PALM2AKAP2: variants seen among roughly 807,000 people sequenced by gnomAD.
The protein encoded by PALM2AKAP2 is PALM2 and AKAP2 fusion.
Under a neutral mutation model 71.5 loss-of-function variants are expected in PALM2AKAP2, and 37 were observed. The observed-to-expected ratio is 0.52, with a 90% CI of 0.40 to 0.68. The LOEUF (loss-of-function observed/expected upper bound fraction) is 0.68. Ranked by LOEUF, PALM2AKAP2 falls within the 30% of genes least tolerant of loss-of-function variation. The probability of loss-of-function intolerance (pLI) is 0.00; values close to 1 mark genes in which losing one functional copy is unlikely to be tolerated. For synonymous variants in PALM2AKAP2, 468 were observed against 478.8 expected, an observed-to-expected ratio of 0.98 and a Z score of 0.29; for missense variants, 1,224 against 1,191.8, an observed-to-expected ratio of 1.03 and a Z score of -0.40.
chr9:110,052,784 T>G (rs1833737630), intron 1 of PALM2AKAP2, among the ~76,000 whole-genome samples: 1 of 152,192 alleles, frequency 6.6e-6, no homozygotes, highest in African/African-American at 2.4e-5. Context: ...CCATTGACAG[T>G]TCGGGATTTT....
chr9:109,838,038 T>A (rs1319544522), intron 1 of PALM2AKAP2, among the ~76,000 whole-genome samples: 3 of 145,610 alleles, frequency 2.1e-5, no homozygotes, highest in African/African-American at 7.8e-5. Context: ...CTAATAGACA[T>A]CTACAGAACT....
At chr9:110,014,441 G>A (rs1000784076) in intron 6 of PALM2AKAP2, among the ~76,000 whole-genome samples, 1 of 151,986 alleles carries the variant, frequency 6.6e-6, no homozygotes, top group Non-Finnish European at 1.5e-5. Flanking sequence ...CCTTTAAGGA[G>A]ATGATTATTC....
intron 3 of PALM2AKAP2, among the ~76,000 whole-genome samples, chr9:109,895,955 G>C (rs35725221): frequency 0.028 from 4,228 of 152,212 alleles, 101 homozygotes; most frequent in Non-Finnish European, 0.046. Flanking sequence ...AGGTTGAGTT[G>C]GGTGGATCGC....
intron 1 of PALM2AKAP2, among the ~76,000 whole-genome samples, chr9:109,859,115 G>A (rs1372843004): frequency 1.3e-5 from 2 of 152,162 alleles, no homozygotes; most frequent in Non-Finnish European, 2.9e-5. Context: ...GTTTCTTAAG[G>A]TTTTGGGTGT....
chr9:109,758,099 C>T (rs967250816), intron 1 of PALM2AKAP2, among the ~76,000 whole-genome samples: 1 of 152,014 alleles, frequency 6.6e-6, no homozygotes, highest in African/African-American at 2.4e-5. Flanking sequence ...AATCACTCCC[C>T]TTTTTAACCT....
At chr9:110,023,594 G>A (rs961345641) in intron 7 of PALM2AKAP2, among the ~76,000 whole-genome samples, 2 of 151,916 alleles carry the variant, frequency 1.3e-5, no homozygotes, top group Admixed American at 6.6e-5. Context: ...GATTACAGGC[G>A]TGAGCCACAG....
upstream of PALM2AKAP2, chr9:109,780,175 G>A: frequency 1.9e-6 from 1 of 530,748 alleles, no homozygotes; most frequent in Non-Finnish European, 2.4e-6. Context: ...CCGGGCTAGC[G>A]CGCCCTCCCG....
chr9:110,110,962 G>C (rs62578861), intron 1 of PALM2AKAP2, among the ~76,000 whole-genome samples: 1 of 151,930 alleles, frequency 6.6e-6, no homozygotes, highest in East Asian at 1.9e-4. Context: ...TCTTCTCTCA[G>C]GATATTGTTT....
intron 7 of PALM2AKAP2, among the ~76,000 whole-genome samples, chr9:110,035,663 TATGTTGTGTGTTATATATAACATATATAG>T (rs1325813797): frequency 7.2e-5 from 9 of 124,798 alleles, no homozygotes; most frequent in African/African-American, 2.6e-4. Flanking sequence ...ATATATAGGA[TATGTTGTGTGTTATATATAACATATATAG>T]GATATGTTGT....
At chr9:109,988,388 A>G (rs572869035) in intron 6 of PALM2AKAP2, among the ~76,000 whole-genome samples, 1 of 152,304 alleles carries the variant, frequency 6.6e-6, no homozygotes, top group East Asian at 1.9e-4. Context: ...AATATTTGCC[A>G]CCACTCATTA....
At chr9:109,719,082 A>T (rs572085013) in intron 1 of PALM2AKAP2, among the ~76,000 whole-genome samples, 3 of 152,164 alleles carry the variant, frequency 2.0e-5, no homozygotes, top group Admixed American at 1.3e-4. Flanking sequence ...CATCTCTTAT[A>T]AAAAAATAAA....
intron 6 of PALM2AKAP2, among the ~76,000 whole-genome samples, chr9:109,992,810 A>C (rs915027193): frequency 6.6e-6 from 1 of 152,094 alleles, no homozygotes. Context: ...AAATGACTCT[A>C]CTAAATCCTG....
At chr9:109,803,752 A>G (rs1226058112) in intron 1 of PALM2AKAP2, among the ~76,000 whole-genome samples, 1 of 152,024 alleles carries the variant, frequency 6.6e-6, no homozygotes, top group Non-Finnish European at 1.5e-5. Flanking sequence ...CTTCTCCTCC[A>G]CCCTAGTAGA....
chr9:110,137,257 G>T (rs1453320260), exon 2 of PALM2AKAP2: 1 of 1,614,230 alleles, frequency 6.2e-7, no homozygotes. Context: ...GGCAAGCGGT[G>T]GCCAAGGGCC....
At chr9:109,859,547 C>A in intron 1 of PALM2AKAP2, among the ~76,000 whole-genome samples, 1 of 152,210 alleles carries the variant, frequency 6.6e-6, no homozygotes, top group Middle Eastern at 3.4e-3. Context: ...CAAATGTGTA[C>A]AAATATCATA....
At chr9:109,785,671 G>A (rs773868733) in intron 1 of PALM2AKAP2, among the ~76,000 whole-genome samples, 6 of 152,326 alleles carry the variant, frequency 3.9e-5, no homozygotes, top group Middle Eastern at 3.4e-3. Context: ...GATCTCGTGA[G>A]ACTGATTCAC....
At chr9:110,128,178 A>T (rs939629777) in intron 1 of PALM2AKAP2, among the ~76,000 whole-genome samples, 1 of 152,160 alleles carries the variant, frequency 6.6e-6, no homozygotes, top group Non-Finnish European at 1.5e-5. Context: ...GGCATCATCC[A>T]CCAGCCAGGT....
At chr9:109,810,585 G>A (rs1827703480) in intron 1 of PALM2AKAP2, among the ~76,000 whole-genome samples, 1 of 152,186 alleles carries the variant, frequency 6.6e-6, no homozygotes, top group Non-Finnish European at 1.5e-5. Context: ...CTGGATTTAA[G>A]TGAGAATGAG....
intron 7 of PALM2AKAP2, among the ~76,000 whole-genome samples, chr9:110,035,415 A>G (rs979826662): frequency 3.6e-5 from 5 of 140,676 alleles, no homozygotes; most frequent in African/African-American, 1.3e-4. Context: ...TATAATATGT[A>G]TAATACATAT....
Sources: allele counts gnomAD v4.1 joint callset (sites outside exome capture counted in the v4.1 genomes callset), GRCh38; gene constraint gnomAD v4.1.1; transcripts MANE v1.5; gene names NCBI Gene and HGNC (gene_info 2026-07-23, HGNC 2026-07-21).